The following PPP2R1B variants were observed in gnomAD, a reference collection of about 807,000 sequenced individuals.
PPP2R1B encodes the protein serine/threonine-protein phosphatase 2A 65 kDa regulatory subunit A beta isoform.
A neutral mutation model predicts 72.7 loss-of-function variants in PPP2R1B; 58 were observed. The observed-to-expected ratio is 0.80, with a 90% CI of 0.65 to 0.99. PPP2R1B has a LOEUF of 0.99. Ranked by LOEUF, PPP2R1B falls within the 50% of genes least tolerant of loss-of-function variation. The pLI, the probability that PPP2R1B is intolerant of heterozygous loss-of-function variation, is 0.00. For missense variants in PPP2R1B, 695 were observed against 733.6 expected, an observed-to-expected ratio of 0.95 and a Z score of 0.61; for synonymous variants, 256 against 264.6, an observed-to-expected ratio of 0.97 and a Z score of 0.32.
chr11:111,766,172 C>G (rs1283041096), intron 1 of PPP2R1B, 76 bp downstream of exon 1: 4 of 1,466,400 alleles, frequency 2.7e-6, no homozygotes, highest in Non-Finnish European at 2.8e-6. Context: ...CCACCCCCAC[C>G]GCGACGCAGG....
the PPP2R1B span, among the ~76,000 whole-genome samples, chr11:111,709,312 C>T: frequency 1.3e-5 from 2 of 152,306 alleles, no homozygotes; most frequent in Admixed American, 6.5e-5. Context: ...CTCATTTAAC[C>T]TTAATTACCT....
Position 111,747,945 on chromosome 11 carries a change from T to C in PPP2R1B, c.1399+9A>G, listed in dbSNP as rs763605673. The C allele has an allele frequency of 6.2e-7, 1 of 1,603,566 alleles. No homozygotes were observed. Among genetic ancestry groups the C allele is most frequent in the Non-Finnish European group, 8.5e-7 (1 of 1,172,076 alleles). On this transcript the variant is annotated intron_variant, in intron 11 of 14. Coordinates refer to ENST00000527614, the MANE Select transcript of PPP2R1B (RefSeq NM_002716.5). Reference sequence around the variant, plus strand: ...ATGGGCTTTCAATAATCTGTTTTTATCTACTCACCATGGTCCACGAGCCAA... The same window carrying C: ...ATGGGCTTTCAATAATCTGTTTTTACCTACTCACCATGGTCCACGAGCCAA...
chr11:111,765,917 TC>T, intron 1 of PPP2R1B: 1 of 512,224 alleles, frequency 2.0e-6, no homozygotes, highest in South Asian at 1.5e-5. Flanking sequence ...ACCGCGCTTC[TC>T]CTGCTCCCTC....
At chr11:111,689,667 A>C in the PPP2R1B span, among the ~76,000 whole-genome samples, 3 of 152,232 alleles carry the variant, frequency 2.0e-5, no homozygotes, top group African/African-American at 7.2e-5. Context: ...TTGGATACTC[A>C]TTGAACTTAG....
chr11:111,750,387 T>C (rs1944858116), intron 10 of PPP2R1B, among the ~76,000 whole-genome samples: 1 of 152,172 alleles, frequency 6.6e-6, no homozygotes, highest in Non-Finnish European at 1.5e-5. Context: ...CAGTGGCTCA[T>C]GCCTATTATC....
intron 15 of PPP2R1B, chr11:111,727,288 G>A (rs1944004608): frequency 7.1e-6 from 4 of 564,090 alleles, no homozygotes; most frequent in Admixed American, 3.0e-5. Context: ...GGCTGTTCAT[G>A]CCCATCTGAG....
chr11:111,753,921 AT>A lies in PPP2R1B; in HGVS notation c.1030-345del, dbSNP rs782775685. 8.8e-3 allele frequency among the ~76,000 whole-genome samples: 1,255 copies of A among 142,934 alleles called. 8 individuals are homozygous for A. Among genetic ancestry groups the A allele is most frequent in the Middle Eastern group, 0.058 (16 of 274 alleles). 93.8% of individuals were successfully genotyped at this position (142,934 alleles called of 152,430 possible). Reference sequence around the variant, plus strand: ...GGTGTGAGCCACCACGCCTGGCCTAATTTTTTTTTTTTTGAGACAGTGTCTC... The same window carrying A: ...GGTGTGAGCCACCACGCCTGGCCTAATTTTTTTTTTTTGAGACAGTGTCTC... On this transcript the variant is annotated intron_variant, in intron 8 of 14. Coordinates refer to ENST00000527614, the MANE Select transcript of PPP2R1B (RefSeq NM_002716.5).
chr11:111,737,684 C>T (rs1247470824), downstream of PPP2R1B: 5 of 1,531,638 alleles, frequency 3.3e-6, no homozygotes, highest in Non-Finnish European at 4.4e-6. Context: ...GTTGGGTGTC[C>T]AGCAGCAGCC....
chr11:111,765,280 A>G lies in PPP2R1B; in HGVS notation c.205+14T>C, dbSNP rs1195405566. 3 of 1,596,300 alleles carry G rather than the reference A, an allele frequency of 1.9e-6. No homozygotes were observed. Among genetic ancestry groups the G allele is most frequent in the Non-Finnish European group, 2.6e-6 (3 of 1,165,310 alleles). On this transcript the variant is annotated intron_variant, in intron 2 of 14. Coordinates refer to ENST00000527614, the MANE Select transcript of PPP2R1B (RefSeq NM_002716.5). ...GGAATGTCCCTACCTTTCTTTAAACAAAGATTCACATACCTGTAAGAAATG... is the reference window on the plus strand; with the variant it reads ...GGAATGTCCCTACCTTTCTTTAAACGAAGATTCACATACCTGTAAGAAATG...
At chr11:111,701,160 A>C in the PPP2R1B span, 2 of 1,136,248 alleles carry the variant, frequency 1.8e-6, no homozygotes, top group Admixed American at 6.3e-5. This position sits in a 1 kb window ranked among gnomAD's most constrained non-coding sequence, Gnocchi z 4.2. Context: ...GAGCATCTTG[A>C]AATGGATCCC....
At chr11:111,712,622 C>G in the PPP2R1B span, among the ~76,000 whole-genome samples, 1 of 152,210 alleles carries the variant, frequency 6.6e-6, no homozygotes, top group Non-Finnish European at 1.5e-5. Context: ...TCCTCCCTGT[C>G]TTTCTCGCTC....
chr11:111,726,850 C>G (rs534851465), downstream of PPP2R1B: 3 of 895,712 alleles, frequency 3.3e-6, no homozygotes, highest in Non-Finnish European at 5.3e-6. Context: ...CCCTGTAAAC[C>G]AGGCTCCTCT....
chr11:111,729,370 C>T (rs575327763), intron 15 of PPP2R1B: 2 of 152,376 alleles, frequency 1.3e-5, no homozygotes, highest in South Asian at 2.1e-4. Flanking sequence ...CACAAGGGAG[C>T]AATAGCTTAT....
At chr11:111,737,069 T>G (rs141136301), downstream of PPP2R1B, among the ~76,000 whole-genome samples, 47 of 152,302 alleles carry the variant, frequency 3.1e-4, no homozygotes, top group Middle Eastern at 3.4e-3. Flanking sequence ...CTGAGAGGAA[T>G]TATGGCAAGT....
At position 111,738,129 on chromosome 11, in the gene PPP2R1B, G is replaced by C; in HGVS notation, c.*3467C>G. 1 of 987,594 alleles carries C rather than the reference G, an allele frequency of 1.0e-6. No homozygotes were observed. Among genetic ancestry groups the C allele is most frequent in the Non-Finnish European group, 1.2e-6 (1 of 831,130 alleles). 61.2% of individuals were successfully genotyped at this position (987,594 alleles called of 1,614,324 possible). ...AGAGTAAGGAACTGGATGGAAACAG[G>C]AATACTGGAGAATCAAAGGGAAACA... On this transcript the variant is annotated 3_prime_UTR_variant, in exon 15 of 15. Coordinates refer to ENST00000527614, the MANE Select transcript of PPP2R1B (RefSeq NM_002716.5).
chr11:111,747,229 G>C (rs1944734006), intron 11 of PPP2R1B, among the ~76,000 whole-genome samples: 1 of 152,194 alleles, frequency 6.6e-6, no homozygotes, highest in African/African-American at 2.4e-5. Context: ...AAGCTGTCAA[G>C]TCTGGACCTG....
chr11:111,712,211 G>A, the PPP2R1B span: 14 of 1,614,032 alleles, frequency 8.7e-6, no homozygotes, highest in East Asian at 2.9e-4. Flanking sequence ...ATATTTACAG[G>A]CACAGACTGT....
At chr11:111,691,943 A>G in the PPP2R1B span, among the ~76,000 whole-genome samples, 41 of 152,312 alleles carry the variant, frequency 2.7e-4, no homozygotes, top group African/African-American at 8.9e-4. Flanking sequence ...TTTCAGGGAC[A>G]TGAGGCTAGG....
chr11:111,765,384 G>C lies in PPP2R1B; in HGVS notation c.115C>G (p.Leu39Val). 6.2e-7 allele frequency: 1 copy of C among 1,605,428 alleles called. No homozygotes were observed. The highest frequency in any genetic ancestry group is 2.2e-5 in the East Asian group (1 of 44,838). ...AACTTCTTAATACTGTTGAGTCGGAGCTTCAGAAAAGAAAGTAGAAAGAAG... is the reference window on the plus strand; with the variant it reads ...AACTTCTTAATACTGTTGAGTCGGACCTTCAGAAAAGAAAGTAGAAAGAAG... ...IDELRNEDVQ[L>V]RLNSIKKLST... The change falls in exon 2 of 15, where the codon CTC (leucine) becomes GTC (valine). Residue 39 changes from leucine to valine, a missense_variant and splice_region_variant. Leu to Val is a conservative substitution (Grantham distance 32). Coordinates refer to ENST00000527614, the MANE Select transcript of PPP2R1B (RefSeq NM_002716.5).
Sources: gnomAD v4.1 joint callset for allele counts (sites outside exome capture counted in the v4.1 genomes callset) on GRCh38, gnomAD v4.1.1 for gene constraint, Gnocchi (gnomAD v3.1) non-coding constraint, MANE v1.5 for transcripts, NCBI Gene and HGNC (gene_info 2026-07-23, HGNC 2026-07-21) for gene names.